PARN: variants seen among roughly 807,000 people sequenced by gnomAD.
The protein encoded by PARN is poly(A)-specific ribonuclease, also known as poly(A)-specific ribonuclease PARN.
PARN carries 71 observed loss-of-function variants against 102.8 expected under a neutral mutation model. The ratio of observed to expected loss-of-function variants is 0.69; its 90% CI spans 0.57 to 0.84. PARN has a LOEUF of 0.84. Ranked by LOEUF, PARN falls within the 40% of genes least tolerant of loss-of-function variation. PARN has a pLI of 0.00. For synonymous variants in PARN, 261 were observed against 252.9 expected, an observed-to-expected ratio of 1.03 and a Z score of -0.30; for missense variants, 782 against 760.9, an observed-to-expected ratio of 1.03 and a Z score of -0.33.
chr16:14,580,838 A>G (rs777675449), intron 18 of PARN, 36 bp downstream of exon 18: 32 of 1,275,122 alleles, frequency 2.5e-5, no homozygotes, highest in Middle Eastern at 3.7e-4. Flanking sequence ...TTCCACAGTG[A>G]GAGAACTTGG....
chr16:14,461,951 T>A (rs1962008274), intron 22 of PARN, among the ~76,000 whole-genome samples: 1 of 152,184 alleles, frequency 6.6e-6, no homozygotes, highest in Non-Finnish European at 1.5e-5. Context: ...GATTAGGATG[T>A]GCATCTGTTT....
intron 21 of PARN, among the ~76,000 whole-genome samples, chr16:14,509,626 CA>C (rs913254261): frequency 2.6e-5 from 4 of 152,056 alleles, no homozygotes; most frequent in Non-Finnish European, 5.9e-5. Flanking sequence ...GTCTACCCAC[CA>C]ATATTAAACT....
intron 22 of PARN, among the ~76,000 whole-genome samples, chr16:14,449,169 A>G (rs892801830): frequency 1.3e-5 from 2 of 152,126 alleles, no homozygotes; most frequent in South Asian, 4.1e-4. Flanking sequence ...CTCAGCTAGA[A>G]CCACGGGCAT....
intron 22 of PARN, among the ~76,000 whole-genome samples, chr16:14,480,301 CT>C (rs1272508181): frequency 6.6e-6 from 1 of 152,078 alleles, no homozygotes; most frequent in Non-Finnish European, 1.5e-5. Flanking sequence ...GTACTCCAGC[CT>C]AGACAACAAA....
At chr16:14,571,470 C>T (rs1488480076) in intron 18 of PARN, among the ~76,000 whole-genome samples, 1 of 152,172 alleles carries the variant, frequency 6.6e-6, no homozygotes, top group Non-Finnish European at 1.5e-5. Flanking sequence ...AATCTTCTCC[C>T]TGCATATTAT....
At chr16:14,622,047 G>C (rs1185703747) in intron 5 of PARN, among the ~76,000 whole-genome samples, 1 of 151,842 alleles carries the variant, frequency 6.6e-6, no homozygotes, top group Non-Finnish European at 1.5e-5. Flanking sequence ...ACAAAAATTA[G>C]CCAGGCATGG....
intron 6 of PARN, 134 bp downstream of exon 6, chr16:14,617,456 G>A: frequency 1.6e-6 from 1 of 627,344 alleles, no homozygotes; most frequent in Non-Finnish European, 2.9e-6. Flanking sequence ...TGTACTGGCT[G>A]CACATGTATG....
chr16:14,597,469 G>A (rs1970590397), intron 12 of PARN, among the ~76,000 whole-genome samples: 1 of 152,164 alleles, frequency 6.6e-6, no homozygotes, highest in South Asian at 2.1e-4. Context: ...GGCCAAGGCA[G>A]GCGGATCACG....
intron 6 of PARN, among the ~76,000 whole-genome samples, chr16:14,615,454 C>T (rs1002012353): frequency 6.6e-6 from 1 of 151,978 alleles, no homozygotes; most frequent in Non-Finnish European, 1.5e-5. Context: ...AAGTATGAGA[C>T]GAATAAAAAA....
chr16:14,458,446 G>A (rs561782178), intron 22 of PARN, among the ~76,000 whole-genome samples: 1 of 152,138 alleles, frequency 6.6e-6, no homozygotes, highest in Non-Finnish European at 1.5e-5. Context: ...AGTTAAACAT[G>A]AGCGATTGAA....
chr16:14,626,553 T>A (rs1014386761), intron 5 of PARN, among the ~76,000 whole-genome samples: 2 of 152,104 alleles, frequency 1.3e-5, no homozygotes, highest in Non-Finnish European at 2.9e-5. Flanking sequence ...AGCTTTAGAA[T>A]TACTAAACCT....
At chr16:14,574,578 T>C (rs1018174778) in intron 18 of PARN, among the ~76,000 whole-genome samples, 15 of 152,010 alleles carry the variant, frequency 9.9e-5, no homozygotes, top group Non-Finnish European at 1.6e-4. Context: ...CTGGGCGTGG[T>C]GGCGCACACC....
At chr16:14,579,975 A>G (rs1567409008) in intron 18 of PARN, among the ~76,000 whole-genome samples, 1 of 141,396 alleles carries the variant, frequency 7.1e-6, no homozygotes, top group Non-Finnish European at 1.6e-5. Context: ...AGAGTGAGAC[A>G]CCATCTCAAA....
chr16:14,617,720 G>A (rs1972016721), intron 5 of PARN, 70 bp from the exon 6 acceptor site: 2 of 909,908 alleles, frequency 2.2e-6, no homozygotes, highest in Non-Finnish European at 3.7e-6. Flanking sequence ...ATGCAGAGAA[G>A]TAACTCAAAC....
chr16:14,629,542 G>A (rs543076249), intron 2 of PARN, 55 bp downstream of exon 2: 3 of 1,277,166 alleles, frequency 2.3e-6, no homozygotes, highest in African/African-American at 2.9e-5. Context: ...GGGGATTGAA[G>A]GAGCCTTGGC....
chr16:14,472,050 T>C (rs1354176164), intron 22 of PARN, among the ~76,000 whole-genome samples: 1 of 152,216 alleles, frequency 6.6e-6, no homozygotes, highest in Non-Finnish European at 1.5e-5. Context: ...AACCGTGTCC[T>C]GACCTACTGG....
chr16:14,560,314 C>T (rs1596671540), intron 18 of PARN, among the ~76,000 whole-genome samples: 1 of 152,178 alleles, frequency 6.6e-6, no homozygotes, highest in African/African-American at 2.4e-5. Flanking sequence ...AACACTTGCA[C>T]GAAACGTTCT....
At chr16:14,461,531 G>A (rs1402411717) in intron 22 of PARN, among the ~76,000 whole-genome samples, 2 of 152,162 alleles carry the variant, frequency 1.3e-5, no homozygotes, top group African/African-American at 4.8e-5. Flanking sequence ...CCTTTAATGT[G>A]AAAGTTTGTG....
intron 21 of PARN, among the ~76,000 whole-genome samples, chr16:14,493,682 C>T (rs1405547859): frequency 6.6e-6 from 1 of 152,174 alleles, no homozygotes; most frequent in Non-Finnish European, 1.5e-5. Context: ...ATAATCTCAA[C>T]ATGAGCAGGG....
Sources: allele counts gnomAD v4.1 joint callset (sites outside exome capture counted in the v4.1 genomes callset), GRCh38; gene constraint gnomAD v4.1.1; transcripts MANE v1.5; gene names NCBI Gene and HGNC (gene_info 2026-07-23, HGNC 2026-07-21).